The following DOCK4 variants were observed in gnomAD, a reference collection of about 807,000 sequenced individuals.
DOCK4 encodes the protein dedicator of cytokinesis protein 4.
Under a neutral mutation model 268.1 loss-of-function variants are expected in DOCK4, and 97 were observed. That is an observed-to-expected ratio of 0.36 (90% CI 0.31 to 0.43). The LOEUF (loss-of-function observed/expected upper bound fraction) is 0.43. Ranked by LOEUF, DOCK4 falls within the 20% of genes least tolerant of loss-of-function variation. DOCK4 has a pLI of 1.00. For synonymous variants in DOCK4, 954 were observed against 887.2 expected (o/e 1.08, Z -1.34); for missense variants, 2,145 against 2,455.7 (o/e 0.87, Z 2.67).
chr7:112,186,194 G>A (rs969031813), intron 1 of DOCK4, among the ~76,000 whole-genome samples: 3 of 152,224 alleles, frequency 2.0e-5, no homozygotes, highest in African/African-American at 4.8e-5. Context: ...CAGTGGGGTT[G>A]CTTGGTTTCA....
At chr7:111,823,742 T>C (rs1363974899) in intron 26 of DOCK4, among the ~76,000 whole-genome samples, 1 of 152,204 alleles carries the variant, frequency 6.6e-6, no homozygotes, top group Non-Finnish European at 1.5e-5. Flanking sequence ...AACAATCTGA[T>C]TGAAGATAAC....
rs540292279 is a variant in DOCK4, at chr7:112,007,945, T to G, written c.38-3814A>C. 4.7e-4 allele frequency among the ~76,000 whole-genome samples: 71 copies of G among 152,330 alleles called. 2 individuals are homozygous for G. In the South Asian group the frequency reaches 0.014, roughly 31 times the overall value. On this transcript the variant is annotated intron_variant, in intron 1 of 52. Coordinates refer to ENST00000428084, the MANE Select transcript of DOCK4 (RefSeq NM_001363540.2). ...CAGTTATTATAAAGTAGCTATCTCT[T>G]TATACAAAAGTTTATTCATGTACAC...
intron 42 of DOCK4, among the ~76,000 whole-genome samples, chr7:111,751,026 GAAATA>G (rs1458184618): frequency 6.6e-6 from 1 of 152,014 alleles, no homozygotes; most frequent in Non-Finnish European, 1.5e-5. Flanking sequence ...AAATAAACAT[GAAATA>G]AAATATCACC....
At chr7:112,047,248 C>G (rs7797442) in intron 1 of DOCK4, among the ~76,000 whole-genome samples, 73,894 of 152,050 alleles carry the variant, frequency 0.49, 20,853 homozygotes, top group African/African-American at 0.79. Context: ...GTTAACTTAA[C>G]TGCACCCCAG....
rs529203163 is a variant in DOCK4, at chr7:112,019,782, T to C, written c.38-15651A>G. On this transcript the variant is annotated intron_variant, in intron 1 of 52. Transcript: ENST00000428084. ...GAGTTTTAAGGTCTTTTTAGTATAC[T>C]AAATGTTTGTTCAATCTTTAAACTT... Among the ~76,000 whole-genome samples the C allele has an allele frequency of 2.0e-5, 3 of 152,344 alleles. No individual in the cohort carries two copies. In the South Asian group the frequency reaches 6.2e-4, roughly 32 times the overall value.
chr7:112,046,042 G>T (rs1206719016), intron 1 of DOCK4, among the ~76,000 whole-genome samples: 1 of 152,102 alleles, frequency 6.6e-6, no homozygotes, highest in East Asian at 1.9e-4. Context: ...AGAAATCATT[G>T]TTCAATACCC....
At chr7:111,749,629 T>C in intron 42 of DOCK4, among the ~76,000 whole-genome samples, 1 of 152,112 alleles carries the variant, frequency 6.6e-6, no homozygotes, top group East Asian at 1.9e-4. Context: ...TTGGAAAATA[T>C]TTCCAACATG....
At chr7:111,759,631 A>G (rs1183647965) in intron 40 of DOCK4, among the ~76,000 whole-genome samples, 7 of 152,222 alleles carry the variant, frequency 4.6e-5, no homozygotes, top group African/African-American at 1.2e-4. Flanking sequence ...TCTAACACCT[A>G]TATAATTTCA....
At chr7:112,084,807 C>T (rs959521272) in intron 1 of DOCK4, among the ~76,000 whole-genome samples, 4 of 152,096 alleles carry the variant, frequency 2.6e-5, no homozygotes, top group African/African-American at 9.7e-5. Context: ...GCTACCATTA[C>T]AAGGCACTTC....
chr7:111,810,891 A>G (rs996077123), intron 28 of DOCK4, among the ~76,000 whole-genome samples: 7 of 152,072 alleles, frequency 4.6e-5, no homozygotes, highest in Non-Finnish European at 1.0e-4. Context: ...AATCCCAGCT[A>G]TTCTAGAGGC....
At chr7:111,814,385 C>T (rs964212773) in intron 27 of DOCK4, among the ~76,000 whole-genome samples, 1 of 152,144 alleles carries the variant, frequency 6.6e-6, no homozygotes, top group African/African-American at 2.4e-5. Flanking sequence ...GTCACATCGC[C>T]AGAGACTACT....
Position 111,767,131 on chromosome 7 carries a change from G to C in DOCK4, c.3829-13C>G, listed in dbSNP as rs762552905. 1 of 1,605,728 alleles carries C rather than the reference G, an allele frequency of 6.2e-7. No homozygotes were observed. Among genetic ancestry groups the C allele is most frequent in the Non-Finnish European group, 8.5e-7 (1 of 1,174,230 alleles). On this transcript the variant is annotated splice_polypyrimidine_tract_variant and intron_variant, in intron 37 of 52. Coordinates refer to ENST00000428084, the MANE Select transcript of DOCK4 (RefSeq NM_001363540.2). ...CATTCTCCCAACACTGTGGACAAAT[G>C]AATGAGATCAATGGAACCATCTGAC...
At chr7:111,900,656 C>T (rs1256485426) in intron 14 of DOCK4, 120 bp from the exon 15 acceptor site, 2 of 1,053,032 alleles carry the variant, frequency 1.9e-6, no homozygotes, top group Non-Finnish European at 2.7e-6. Flanking sequence ...AATTACCTCG[C>T]TGGGCCTTTG....
chr7:112,050,640 C>G (rs1026890717), intron 1 of DOCK4, among the ~76,000 whole-genome samples: 3 of 149,048 alleles, frequency 2.0e-5, no homozygotes, highest in African/African-American at 7.6e-5. Flanking sequence ...ATTGAAGAGT[C>G]TGACAGAGAG....
intron 1 of DOCK4, among the ~76,000 whole-genome samples, chr7:112,026,679 A>G (rs1802824285): frequency 6.6e-6 from 1 of 152,214 alleles, no homozygotes; most frequent in Non-Finnish European, 1.5e-5. Flanking sequence ...AGATAACTAC[A>G]TTCATGCATT....
At chr7:111,835,451 CAAT>C (rs1467999602) in intron 25 of DOCK4, among the ~76,000 whole-genome samples, 1 of 152,060 alleles carries the variant, frequency 6.6e-6, no homozygotes, top group Admixed American at 6.6e-5. Flanking sequence ...TAAAAATTAA[CAAT>C]AAAAAAGTAA....
intron 12 of DOCK4, among the ~76,000 whole-genome samples, chr7:111,935,009 C>T (rs1794611613): frequency 6.6e-6 from 1 of 151,638 alleles, no homozygotes; most frequent in African/African-American, 2.4e-5. Flanking sequence ...TGCAATGGCA[C>T]AATCTCAGCT....
In DOCK4 at chr7:111,900,431, T is replaced by G. The variant is rs1791040407; in HGVS notation, c.1423A>C (p.Ile475Leu). ...GCACCCCGGAATTTATCCACAGGAA[T>G]GGGAAGTTTCAGCAGTTCAGACCAC... ...PRWSELLKLP[I>L]PVDKFRGAHI... Residue 475 changes from isoleucine (I) to leucine (L), a missense_variant, in exon 15 of 53, where the codon ATT (isoleucine) becomes CTT (leucine). By Grantham distance (5) the Ile-to-Leu change is conservative. Transcript: ENST00000428084. 10 of 1,613,532 alleles carry G rather than the reference T, an allele frequency of 6.2e-6. No individual in the cohort carries two copies. Among genetic ancestry groups the G allele is most frequent in the Non-Finnish European group, 7.6e-6 (9 of 1,179,766 alleles).
At chr7:111,919,105 T>TA (rs562973964) in intron 12 of DOCK4, among the ~76,000 whole-genome samples, 20 of 151,226 alleles carry the variant, frequency 1.3e-4, no homozygotes, top group South Asian at 6.3e-4. Context: ...GCAGCGACTT[T>TA]AAAAAAAACA....
Sources: allele counts gnomAD v4.1 joint callset (sites outside exome capture counted in the v4.1 genomes callset), GRCh38; gene constraint gnomAD v4.1.1; transcripts MANE v1.5; gene names NCBI Gene and HGNC (gene_info 2026-07-23, HGNC 2026-07-21).